The following TACR2 variants were observed in gnomAD, a reference collection of about 807,000 sequenced individuals.
TACR2 encodes substance-K receptor.
Under a neutral mutation model 28.9 loss-of-function variants are expected in TACR2, and 24 were observed. The observed-to-expected ratio is 0.83, with a 90% CI of 0.60 to 1.17. TACR2 has a LOEUF of 1.17. Ranked by LOEUF, TACR2 falls within the 50% of genes most tolerant of loss-of-function variation. The pLI is 0.00. For missense variants in TACR2, 487 were observed against 524.4 expected (o/e 0.93, Z 0.70); for synonymous variants, 222 against 212.6 (o/e 1.04, Z -0.38).
rs10663894 is a variant in TACR2, at chr10:69,409,904, C to CATATATATAT, written c.588-839_588-830dup. 5.7e-3 allele frequency among the ~76,000 whole-genome samples: 196 copies of CATATATATAT among 34,442 alleles called. 2 individuals are homozygous for CATATATATAT. The highest frequency in any genetic ancestry group is 0.017 in the Middle Eastern group (1 of 60). 22.6% of individuals were successfully genotyped at this position (34,442 alleles called of 152,430 possible). A position where few individuals can be genotyped will look rare whatever the true frequency, so the allele number is the denominator to read the frequency against. ...ATACATATATACATATATATATATA[C>CATATATATAT]ATATATATATATATATATATATATA... On this transcript the variant is annotated intron_variant, in intron 2 of 4. Transcript: ENST00000373306.
chr10:69,405,598 T>C (rs1467699023), intron 4 of TACR2, among the ~76,000 whole-genome samples: 3 of 152,158 alleles, frequency 2.0e-5, no homozygotes, highest in Non-Finnish European at 4.4e-5. Flanking sequence ...GCTCTCCCCA[T>C]GGCAGCACTG....
chr10:69,409,864 T>C (rs1249037835), intron 2 of TACR2, among the ~76,000 whole-genome samples: 14 of 59,048 alleles, frequency 2.4e-4, no homozygotes, highest in African/African-American at 1.2e-3. Flanking sequence ...TATATGTATA[T>C]GTATATATAT....
At position 69,404,936 on chromosome 10, in the gene TACR2, T is replaced by C. The variant is rs57900755; in HGVS notation, c.1087A>G (p.Thr363Ala). 0.015 allele frequency: 24,545 copies of C among 1,614,100 alleles called. 1,582 individuals carry two copies. The African/African-American group carries it at 0.19, about 13-fold the overall frequency. Residue 363 changes from threonine to alanine, a missense_variant, in exon 5 of 5, where the codon ACA becomes GCA. Thr to Ala is a moderately conservative substitution (Grantham distance 58). Transcript: ENST00000373306. ...CCACTGGTAGCCTCGGAGGGGGCTG[T>C]GTCCCCAGCCATGAACAAAGTCTCC... ...TKETLFMAGD[T>A]APSEATSGEA...
Position 69,416,238 on chromosome 10 carries a change from G to A in TACR2, c.86C>T (p.Pro29Leu), listed in dbSNP as rs1840618007. ...GGCCCACAGTGCCAGTTGCCAGCTG[G>A]GCATGGAGAAGGCTGTGATGCCCGT... ...NTTGITAFSM[P>L]SWQLALWATA... is the part of the protein sequence containing the mutation. The change falls in exon 1 of 5, where the codon CCC becomes CTC. Residue 29 changes from proline to leucine, a missense_variant. Physicochemically the swap from Pro to Leu is moderately conservative, Grantham distance 98. Coordinates refer to ENST00000373306, the MANE Select transcript of TACR2 (RefSeq NM_001057.3). The A allele has an allele frequency of 6.2e-7, 1 of 1,613,942 alleles. No homozygotes were observed. The highest frequency in any genetic ancestry group is 8.5e-7 in the Non-Finnish European group (1 of 1,179,866).
At position 69,404,541 on chromosome 10, in the gene TACR2, T is replaced by G; in HGVS notation, c.*285A>C. 2 of 277,614 alleles carry G rather than the reference T, an allele frequency of 7.2e-6. No homozygotes were observed. The highest frequency in any genetic ancestry group is 6.7e-6 in the Non-Finnish European group (1 of 149,514). The allele number at this position is 277,614 out of a possible 1,614,324, so 17.2% of individuals were successfully genotyped here. A position where few individuals can be genotyped will look rare whatever the true frequency, so the allele number is the denominator to read the frequency against. Reference sequence around the variant, plus strand: ...ATTCTGGTGGCTGGAATATCCAAGATTGGGCAGCTGCATCTGGTGAAGGCC... The same window carrying G: ...ATTCTGGTGGCTGGAATATCCAAGAGTGGGCAGCTGCATCTGGTGAAGGCC... On this transcript the variant is annotated 3_prime_UTR_variant, in exon 5 of 5. Transcript: ENST00000373306.
At chr10:69,408,002 T>C (rs571471732) in intron 3 of TACR2, among the ~76,000 whole-genome samples, 1 of 152,260 alleles carries the variant, frequency 6.6e-6, no homozygotes, top group Non-Finnish European at 1.5e-5. Flanking sequence ...ATGCCTACTT[T>C]TGGGTGAGAA....
rs1564579971 is a variant in TACR2 at position 69,407,104 on chromosome 10, G to T, written c.918C>A (p.Ile306=). 2 of 1,613,860 alleles carry T rather than the reference G, an allele frequency of 1.2e-6. No individual in the cohort carries two copies. The highest frequency in any genetic ancestry group is 2.2e-5 in the South Asian group (2 of 91,048). Residue 306 remains isoleucine (I), a synonymous_variant, in exon 4 of 5, where the codon ATC becomes ATA. Coordinates refer to ENST00000373306, the MANE Select transcript of TACR2 (RefSeq NM_001057.3). ...AMSSTMYNPI[I]YCCLNHRFRS... is the part of the protein sequence containing the mutation. ...CTCACCTGTGGTTGAGACAGCAGTAGATGATGGGATTGTACATGGTAGAGC... is the reference window on the plus strand; with the variant it reads ...CTCACCTGTGGTTGAGACAGCAGTATATGATGGGATTGTACATGGTAGAGC...
At chr10:69,415,428 GC>G (rs1363816414) in intron 1 of TACR2, among the ~76,000 whole-genome samples, 1 of 152,234 alleles carries the variant, frequency 6.6e-6, no homozygotes, top group African/African-American at 2.4e-5. Context: ...CACACTGGAA[GC>G]CCATCTCAGG....
chr10:69,404,899 C>T lies in TACR2; in HGVS notation c.1124G>A (p.Arg375His), dbSNP rs2229170. ...CCATAGCCCTGATCCATCCTGGGGA[C>T]GCCCCGCCTCCCCACTGGTAGCCTC... Reference protein sequence around the residue: ...PSEATSGEAGRPQDGSGLWFG... With the variant: ...PSEATSGEAGHPQDGSGLWFG... The change falls in exon 5 of 5, where the codon CGT (arginine) becomes CAT (histidine). Residue 375 changes from arginine (R) to histidine (H), a missense_variant. Arg to His is a conservative substitution (Grantham distance 29). Coordinates refer to ENST00000373306, the MANE Select transcript of TACR2 (RefSeq NM_001057.3). 0.18 allele frequency: 294,009 copies of T among 1,613,076 alleles called. 27,944 individuals carry two copies. The highest frequency in any genetic ancestry group is 0.2 in the Admixed American group (12,245 of 59,924).
chr10:69,404,924 C>T lies in TACR2; in HGVS notation c.1099G>A (p.Glu367Lys), dbSNP rs765979958. The change falls in exon 5 of 5, where the codon GAG becomes AAG. Residue 367 changes from glutamate (E) to lysine (K), a missense_variant. By Grantham distance (56) the Glu-to-Lys change is moderately conservative. Transcript: ENST00000373306. ...CGCCCCGCCTCCCCACTGGTAGCCT[C>T]GGAGGGGGCTGTGTCCCCAGCCATG... ...LFMAGDTAPS[E>K]ATSGEAGRPQ... is the part of the protein sequence containing the mutation. 1.1e-5 allele frequency: 17 copies of T among 1,614,016 alleles called. No individual in the cohort carries two copies. The highest frequency in any genetic ancestry group is 5.5e-5 in the South Asian group (5 of 91,086).
At position 69,407,204 on chromosome 10, in the gene TACR2, C is replaced by T. The variant is rs745626448; in HGVS notation, c.818G>A (p.Gly273Asp). 2.6e-5 allele frequency: 42 copies of T among 1,613,828 alleles called. No homozygotes were observed. In the South Asian group the frequency reaches 4.3e-4, roughly 16 times the overall value. Reference protein sequence around the residue: ...WLPYHLYFILGSFQEDIYCHK... With the variant: ...WLPYHLYFILDSFQEDIYCHK... ...GCAGTAGATGTCCTCCTGGAAGCTG[C>T]CCAGGATGAAGTAGAGGTGGTAGGG... Residue 273 changes from glycine (G) to aspartate (D), a missense_variant, in exon 4 of 5, where the codon GGC becomes GAC. By Grantham distance (94) the Gly-to-Asp change is moderately conservative. Coordinates refer to ENST00000373306, the MANE Select transcript of TACR2 (RefSeq NM_001057.3).
At chr10:69,410,529 AAC>A (rs1345257669) in intron 2 of TACR2, among the ~76,000 whole-genome samples, 23 of 145,290 alleles carry the variant, frequency 1.6e-4, no homozygotes, top group African/African-American at 5.8e-4. Flanking sequence ...AAAAAAAAAA[AAC>A]AAAAAAACGA....
At chr10:69,409,866 T>TAC (rs1564580988) in intron 2 of TACR2, among the ~76,000 whole-genome samples, 2 of 20,880 alleles carry the variant, frequency 9.6e-5, no homozygotes, top group African/African-American at 7.1e-4. Flanking sequence ...TATGTATATG[T>TAC]ATATATATAT....
chr10:69,410,900 T>C (rs183442876), intron 2 of TACR2, among the ~76,000 whole-genome samples: 21 of 152,308 alleles, frequency 1.4e-4, no homozygotes, highest in Admixed American at 9.8e-4. Context: ...GCCTTGCATC[T>C]GGGGTGTGAG....
intron 4 of TACR2, among the ~76,000 whole-genome samples, chr10:69,405,901 C>T (rs546148547): frequency 6.6e-6 from 1 of 152,274 alleles, no homozygotes; most frequent in African/African-American, 2.4e-5. Flanking sequence ...AGATGACAGG[C>T]CTTGGAGACC....
chr10:69,410,535 AAAAC>A lies in TACR2; in HGVS notation c.588-1464_588-1461del. Among the ~76,000 whole-genome samples, 11 of 150,904 alleles carry A rather than the reference AAAAC, an allele frequency of 7.3e-5. No homozygotes were observed. The South Asian group carries it at 2.1e-3, about 29-fold the overall frequency. ...GACCCTGTCAAAAAAAAAAAACAAA[AAAAC>A]GACAGTGTCCCCAGTTCTCAGATCT... On this transcript the variant is annotated intron_variant, in intron 2 of 4. Transcript: ENST00000373306.
At position 69,411,840 on chromosome 10, in the gene TACR2, G is replaced by GTT. The variant is rs376088241; in HGVS notation, c.588-2767_588-2766dup. Among the ~76,000 whole-genome samples the GTT allele has an allele frequency of 2.3e-3, 347 of 152,004 alleles. 2 individuals are homozygous for GTT. The highest frequency in any genetic ancestry group is 7.8e-3 in the African/African-American group (324 of 41,430). On this transcript the variant is annotated intron_variant, in intron 2 of 4. Coordinates refer to ENST00000373306, the MANE Select transcript of TACR2 (RefSeq NM_001057.3). ...TGCTAAGGGAGACTGATTTGATTTT[G>GTT]TTTTTTTTGAGATGGAGCTTTGTTC... is the stretch of plus-strand genomic sequence containing the variant.
Position 69,415,119 on chromosome 10 carries a change from G to T in TACR2, c.413C>A (p.Pro138His). ...AADRYMAIVH[P>H]FQPRLSAPST... The stretch of plus-strand genomic sequence containing the variant: ...GGGAGCTGAAAGCCGAGGCTGGAAG[G>T]GGTGGACGATGGCCATGTACCTGTG... Residue 138 changes from proline to histidine, a missense_variant, in exon 2 of 5, where the codon CCC becomes CAC. Transcript: ENST00000373306. The T allele has an allele frequency of 6.2e-7, 1 of 1,612,286 alleles. No homozygotes were observed. Among genetic ancestry groups the T allele is most frequent in the Non-Finnish European group, 8.5e-7 (1 of 1,179,898 alleles).
chr10:69,408,972 C>T lies in TACR2; in HGVS notation c.691G>A (p.Gly231Arg). 6.2e-7 allele frequency: 1 copy of T among 1,602,230 alleles called. No individual in the cohort carries two copies. Among genetic ancestry groups the T allele is most frequent in the Non-Finnish European group, 8.5e-7 (1 of 1,176,954 alleles). The stretch of plus-strand genomic sequence containing the variant: ...AGGTTGGCACCGTGCGCCTGATGTC[C>T]GGGCACTGCGCGCCTCCAGAGCGTG... Reference protein sequence around the residue: ...GLTLWRRAVPGHQAHGANLRH... With the variant: ...GLTLWRRAVPRHQAHGANLRH... Residue 231 changes from glycine (G) to arginine (R), a missense_variant, in exon 3 of 5, where the codon GGA (glycine) becomes AGA (arginine). Coordinates refer to ENST00000373306, the MANE Select transcript of TACR2 (RefSeq NM_001057.3).
Sources: gnomAD v4.1 joint callset for allele counts (sites outside exome capture counted in the v4.1 genomes callset) on GRCh38, gnomAD v4.1.1 for gene constraint, MANE v1.5 for transcripts, NCBI Gene and HGNC (gene_info 2026-07-23, HGNC 2026-07-21) for gene names.